The following CFAP161 variants were observed in gnomAD, a reference collection of about 807,000 sequenced individuals.
CFAP161 encodes cilia- and flagella-associated protein 161.
In CFAP161, 25 loss-of-function variants were observed where a neutral mutation model predicts 29.0. That is an observed-to-expected ratio of 0.86 (90% CI 0.63 to 1.20). CFAP161 has a LOEUF of 1.20. Among genes scored for constraint, CFAP161 ranks in the 50% most tolerant of loss-of-function variants. The probability of loss-of-function intolerance (pLI) is 0.00; values close to 1 mark genes in which losing one functional copy is unlikely to be tolerated. For synonymous variants in CFAP161, 116 were observed against 137.4 expected, an observed-to-expected ratio of 0.84 and a Z score of 1.09; for missense variants, 367 against 371.9, an observed-to-expected ratio of 0.99 and a Z score of 0.11.
chr15:81,133,176 CATAT>C (rs141326043), upstream of CFAP161, among the ~76,000 whole-genome samples: 690 of 60,744 alleles, frequency 0.011, 7 homozygotes, highest in African/African-American at 0.026. Flanking sequence ...CCTTCATCAG[CATAT>C]ATATATATAT....
At chr15:81,144,574 T>C (rs979624170) in intron 5 of CFAP161, among the ~76,000 whole-genome samples, 2 of 152,038 alleles carry the variant, frequency 1.3e-5, no homozygotes, top group African/African-American at 4.8e-5. Flanking sequence ...CCAGCCTGGG[T>C]GACAGAGTGA....
At chr15:81,133,736 A>G (rs1894755802), upstream of CFAP161, among the ~76,000 whole-genome samples, 1 of 152,186 alleles carries the variant, frequency 6.6e-6, no homozygotes, top group Non-Finnish European at 1.5e-5. Context: ...CCGCAAAAAT[A>G]TGGACAACCT....
Position 81,113,753 on chromosome 15 carries a change from A to G in CFAP161, c.-141-13837A>G, listed in dbSNP as rs1894464355. Among the ~76,000 whole-genome samples, 8 of 152,156 alleles carry G rather than the reference A, an allele frequency of 5.3e-5. No homozygotes were observed. The South Asian group carries it at 1.7e-3, about 32-fold the overall frequency. On this transcript the variant is annotated intron_variant, in intron 1 of 4. Transcript: ENST00000560091. ...TTCACCAGCCCAGGAGCACATCAAC[A>G]TTTATTGTTCAAGAGTTCTCTCAGA...
chr15:81,118,025 C>T, intron 1 of CFAP161: 1 of 499,976 alleles, frequency 2.0e-6, no homozygotes, highest in Non-Finnish European at 3.7e-6. Context: ...TTAATAACCT[C>T]ACAGTTAAAG....
chr15:81,143,720 A>G lies in CFAP161; in HGVS notation c.536A>G (p.Gln179Arg), dbSNP rs774414644. The change falls in exon 5 of 7, where the codon CAG becomes CGG. Residue 179 changes from glutamine (Q) to arginine (R), a missense_variant. Gln to Arg is a conservative substitution (Grantham distance 43). Transcript: ENST00000286732. ...LLKSSKRSWL[Q>R]EVYLTDEVSH... ...AAATCGTCTAAGAGGTCTTGGCTCC[A>G]GGAAGTGTACCTAACAGATGAGGTC... The G allele has an allele frequency of 6.2e-7, 1 of 1,614,168 alleles. No individual in the cohort carries two copies. The highest frequency in any genetic ancestry group is 1.1e-5 in the South Asian group (1 of 91,080).
At chr15:81,115,900 C>A (rs550766849) in intron 1 of CFAP161, among the ~76,000 whole-genome samples, 2 of 150,010 alleles carry the variant, frequency 1.3e-5, no homozygotes, top group African/African-American at 4.9e-5. Context: ...GTTGCCCAGG[C>A]TGATTGCGAG....
intron 1 of CFAP161, among the ~76,000 whole-genome samples, chr15:81,103,476 C>CA (rs1397120893): frequency 6.6e-6 from 1 of 152,008 alleles, no homozygotes; most frequent in Non-Finnish European, 1.5e-5. Context: ...CATAAAAACT[C>CA]AAGAGGAAAA....
upstream of CFAP161, among the ~76,000 whole-genome samples, chr15:81,130,601 G>A (rs1894698179): frequency 6.6e-6 from 1 of 152,216 alleles, no homozygotes; most frequent in Non-Finnish European, 1.5e-5. Context: ...TTGGGAGGCT[G>A]AGGCAGGAGA....
chr15:81,132,702 A>C (rs1243890886), upstream of CFAP161, among the ~76,000 whole-genome samples: 1 of 152,218 alleles, frequency 6.6e-6, no homozygotes, highest in Non-Finnish European at 1.5e-5. Context: ...AATCATTAGA[A>C]CCTTGTTAAA....
chr15:81,124,678 A>C (rs371546003), intron 1 of CFAP161, among the ~76,000 whole-genome samples: 26 of 152,124 alleles, frequency 1.7e-4, no homozygotes, highest in African/African-American at 6.0e-4. Flanking sequence ...TTACTGCCTC[A>C]ATTTCGGAAC....
intron 1 of CFAP161, among the ~76,000 whole-genome samples, chr15:81,119,866 G>T (rs1381030324): frequency 6.0e-5 from 9 of 150,750 alleles, no homozygotes; most frequent in Non-Finnish European, 1.3e-4. Context: ...CACCAGCCTG[G>T]GCAACACAGC....
chr15:81,122,411 T>A (rs983304893), intron 1 of CFAP161, among the ~76,000 whole-genome samples: 1 of 152,176 alleles, frequency 6.6e-6, no homozygotes, highest in Non-Finnish European at 1.5e-5. Flanking sequence ...CCATTCTGAC[T>A]GGTATGAGAT....
chr15:81,107,513 G>T (rs1280540901), intron 1 of CFAP161, among the ~76,000 whole-genome samples: 1 of 152,144 alleles, frequency 6.6e-6, no homozygotes, highest in East Asian at 1.9e-4. Context: ...ATCACCTGAG[G>T]TCGGGACTTT....
At chr15:81,114,309 A>C (rs1894471023) in intron 1 of CFAP161, among the ~76,000 whole-genome samples, 1 of 152,224 alleles carries the variant, frequency 6.6e-6, no homozygotes, top group Non-Finnish European at 1.5e-5. Flanking sequence ...TTTATGTCTA[A>C]AAAATGTACA....
chr15:81,136,310 C>G (rs911708348), intron 2 of CFAP161, among the ~76,000 whole-genome samples: 4 of 152,102 alleles, frequency 2.6e-5, no homozygotes, highest in Admixed American at 6.5e-5. Flanking sequence ...GTGATTTTAA[C>G]CAGCTTTATT....
At chr15:81,103,039 G>C (rs1024923495) in intron 1 of CFAP161, among the ~76,000 whole-genome samples, 6 of 151,042 alleles carry the variant, frequency 4.0e-5, no homozygotes, top group Non-Finnish European at 8.9e-5. Context: ...AAGGGCAGCC[G>C]CTGGAGAAAG....
chr15:81,138,213 G>A, intron 4 of CFAP161, 78 bp downstream of exon 4: 1 of 1,194,598 alleles, frequency 8.4e-7, no homozygotes, highest in Non-Finnish European at 1.2e-6. Flanking sequence ...ATCTACTGAA[G>A]TGGACAGAGA....
chr15:81,103,561 G>A (rs1894327403), intron 1 of CFAP161, among the ~76,000 whole-genome samples: 1 of 152,200 alleles, frequency 6.6e-6, no homozygotes. Context: ...GGTTCCTGGA[G>A]GGTGGTGTGC....
intron 1 of CFAP161, among the ~76,000 whole-genome samples, chr15:81,115,338 T>G (rs1200423565): frequency 6.6e-6 from 1 of 152,214 alleles, no homozygotes; most frequent in Non-Finnish European, 1.5e-5. Context: ...TTGATGTCTC[T>G]GGATGCTGGG....
Sources: gnomAD v4.1 joint callset for allele counts (sites outside exome capture counted in the v4.1 genomes callset) on GRCh38, gnomAD v4.1.1 for gene constraint, MANE v1.5 for transcripts, NCBI Gene and HGNC (gene_info 2026-07-23, HGNC 2026-07-21) for gene names.